Variants in HYAL1 observed in about 807,000 individuals in gnomAD.
HYAL1 encodes hyaluronidase-1.
A neutral mutation model predicts 28.8 loss-of-function variants in HYAL1; 21 were observed. That is an observed-to-expected ratio of 0.73 (90% CI 0.52 to 1.05). The LOEUF is 1.05. Ranked by LOEUF, HYAL1 falls within the 50% of genes least tolerant of loss-of-function variation. HYAL1 has a pLI of 0.00. For synonymous variants in HYAL1, 200 were observed against 230.1 expected, an observed-to-expected ratio of 0.87 and a Z score of 1.18; for missense variants, 491 against 579.2, an observed-to-expected ratio of 0.85 and a Z score of 1.56.
intron 1 of HYAL1, among the ~76,000 whole-genome samples, chr3:50,311,849 A>T (rs1444820103): frequency 1.4e-4 from 11 of 79,130 alleles, no homozygotes; most frequent in East Asian, 3.7e-4. Context: ...CGGGGGGCTG[A>T]CCCCCCCACC....
rs587705585 is a variant in HYAL1, at chr3:50,310,266, T to G, written c.-309-489A>C. ...GAGTCACTGAAAACTAAGCTGTGTG[T>G]TTTTTTTTTTTTTTTTGAGACAGAG... is the stretch of plus-strand genomic sequence containing the variant. On this transcript the variant is annotated intron_variant, in intron 1 of 5. Coordinates refer to the HYAL1 transcript ENST00000320295. 3.2e-3 allele frequency among the ~76,000 whole-genome samples: 429 copies of G among 133,614 alleles called. 11 individuals are homozygous for G. The highest frequency in any genetic ancestry group is 0.012 in the African/African-American group (395 of 32,082). The allele number at this position is 133,614 out of a possible 152,430, so 87.7% of individuals were successfully genotyped here.
intron 2 of HYAL1, among the ~76,000 whole-genome samples, chr3:50,301,666 T>C (rs1331716621): frequency 1.5e-5 from 2 of 135,196 alleles, no homozygotes; most frequent in Non-Finnish European, 3.2e-5. Flanking sequence ...TGTCCCAAGG[T>C]TGGGGGCCGG....
chr3:50,304,297 ATAT>A (rs1373299723), upstream of HYAL1, among the ~76,000 whole-genome samples: 144 of 14,736 alleles, frequency 9.8e-3, 3 homozygotes, highest in African/African-American at 0.031. Flanking sequence ...AAAAAAAAAA[ATAT>A]ATATATATAT....
Position 50,302,145 on chromosome 3 carries a change from C to T in HYAL1, c.812G>A (p.Arg271His), listed in dbSNP as rs150255984. ...YVQHRVAEAFRVAVAAGDPNL... is the reference protein window; with the variant it reads ...YVQHRVAEAFHVAVAAGDPNL... ...GGGGTCACCAGCAGCCACAGCCACA[C>T]GGAATGCCTCGGCCACACGGTGTTG... Residue 271 changes from arginine (R) to histidine (H), a missense_variant, in exon 2 of 4, where the codon CGT becomes CAT. Physicochemically the swap from Arg to His is conservative, Grantham distance 29. Coordinates refer to ENST00000395144, the MANE Select transcript of HYAL1 (RefSeq NM_033159.4). This position sits in a 1 kb window ranked among gnomAD's most constrained non-coding sequence, Gnocchi z 5.0. 30 of 1,614,148 alleles carry T rather than the reference C, an allele frequency of 1.9e-5. No homozygotes were observed. The highest frequency in any genetic ancestry group is 4.5e-5 in the East Asian group (2 of 44,884).
At chr3:50,303,154 A>T in intron 1 of HYAL1, 174 bp from the exon 2 acceptor site, 4 of 550,222 alleles carry the variant, frequency 7.3e-6, no homozygotes, top group South Asian at 2.9e-5. Flanking sequence ...GAGCATGGCC[A>T]CTGGAGGGCA....
chr3:50,301,735 G>A (rs192165846), intron 2 of HYAL1, among the ~76,000 whole-genome samples: 3 of 152,040 alleles, frequency 2.0e-5, no homozygotes, highest in African/African-American at 4.8e-5. Flanking sequence ...GATGGATCAC[G>A]AGGTCAGGAG....
upstream of HYAL1, among the ~76,000 whole-genome samples, chr3:50,305,848 G>T (rs182099907): frequency 2.0e-5 from 3 of 151,356 alleles, no homozygotes; most frequent in East Asian, 5.8e-4. Context: ...TACTTCTTAC[G>T]TATTGATAGA....
At chr3:50,307,085 A>G (rs1266050429), upstream of HYAL1, among the ~76,000 whole-genome samples, 1 of 148,510 alleles carries the variant, frequency 6.7e-6, no homozygotes, top group African/African-American at 2.5e-5. Context: ...AAAAAAAATA[A>G]GCCGGGTGCA....
intron 1 of HYAL1, among the ~76,000 whole-genome samples, chr3:50,311,271 C>G (rs1702444760): frequency 7.2e-6 from 1 of 139,060 alleles, no homozygotes; most frequent in South Asian, 2.3e-4. Context: ...GGGGGGCTGA[C>G]CCCCCAACCT....
At chr3:50,311,795 G>A (rs1440350420) in intron 1 of HYAL1, among the ~76,000 whole-genome samples, 101 of 145,392 alleles carry the variant, frequency 6.9e-4, no homozygotes, top group African/African-American at 2.3e-3. Context: ...AGGGGTGGCC[G>A]GGCAGAGGCG....
chr3:50,302,262 A>G lies in HYAL1; in HGVS notation c.695T>C (p.Leu232Pro). The change falls in exon 2 of 4, where the codon CTA becomes CCA. Residue 232 changes from leucine to proline, a missense_variant. By Grantham distance (98) the Leu-to-Pro change is moderately conservative. Coordinates refer to ENST00000395144, the MANE Select transcript of HYAL1 (RefSeq NM_033159.4). The surrounding 1 kb of genome is among the most constrained non-coding windows in gnomAD (Gnocchi z 5.0). ...PSGIRAQNDQ[L>P]GWLWGQSRAL... ...ACGGCTCTGGCCCCACAGCCACCCT[A>G]GCTGGTCATTTTGGGCACGGATGCC... 6.2e-7 allele frequency: 1 copy of G among 1,613,856 alleles called. No homozygotes were observed. Among genetic ancestry groups the G allele is most frequent in the Non-Finnish European group, 8.5e-7 (1 of 1,180,024 alleles).
intron 1 of HYAL1, 76 bp from the exon 2 acceptor site, chr3:50,303,056 G>A (rs2109309647): frequency 2.6e-6 from 3 of 1,169,342 alleles, no homozygotes; most frequent in Non-Finnish European, 2.4e-6. Context: ...GGGGGGCTGA[G>A]CCCTTGCGCA....
upstream of HYAL1, among the ~76,000 whole-genome samples, chr3:50,304,317 A>ATC (rs1702292342): frequency 1.2e-5 from 1 of 86,888 alleles, no homozygotes; most frequent in Non-Finnish European, 2.1e-5. Context: ...ATATATATAT[A>ATC]TATATATATA....
chr3:50,310,411 C>A (rs191630075), intron 1 of HYAL1, among the ~76,000 whole-genome samples: 6 of 149,808 alleles, frequency 4.0e-5, no homozygotes, highest in South Asian at 2.1e-4. Context: ...CTACAGGCAA[C>A]CACCACCACG....
upstream of HYAL1, among the ~76,000 whole-genome samples, chr3:50,308,120 C>G (rs929585606): frequency 1.3e-5 from 2 of 149,078 alleles, no homozygotes; most frequent in Non-Finnish European, 1.5e-5. Flanking sequence ...TTTATATAAT[C>G]AAGTTGTCGT....
At chr3:50,308,648 C>T (rs1435189686) in intron 2 of HYAL1, among the ~76,000 whole-genome samples, 5 of 149,772 alleles carry the variant, frequency 3.3e-5, no homozygotes, top group South Asian at 2.1e-4. Context: ...AGGGTTTCAC[C>T]GTGGTCTCGA....
At chr3:50,303,123 G>T (rs1702240729) in intron 1 of HYAL1, 143 bp from the exon 2 acceptor site, 1 of 669,670 alleles carries the variant, frequency 1.5e-6, no homozygotes, top group Non-Finnish European at 2.4e-6. Context: ...CTCCAGGAGG[G>T]CAGGGGAGAC....
intron 1 of HYAL1, among the ~76,000 whole-genome samples, chr3:50,310,275 T>C (rs111991220): frequency 0.027 from 4,078 of 149,462 alleles, 103 homozygotes; most frequent in Non-Finnish European, 0.035. Flanking sequence ...GTTTTTTTTT[T>C]TTTTTTTGAG....
Position 50,300,311 on chromosome 3 carries a change from C to T in HYAL1, c.*172G>A, listed in dbSNP as rs1702067769. On this transcript the variant is annotated 3_prime_UTR_variant, in exon 4 of 4. Transcript: ENST00000395144. ...GCTGTGGTTCTAACTCCTTATGCCACTATTCCAGTCTGTAAGTATGCATGT... is the reference window on the plus strand; with the variant it reads ...GCTGTGGTTCTAACTCCTTATGCCATTATTCCAGTCTGTAAGTATGCATGT... 2.6e-5 allele frequency: 18 copies of T among 691,974 alleles called. No individual in the cohort carries two copies. The Admixed American group carries it at 3.8e-4, about 14-fold the overall frequency. 42.9% of individuals were successfully genotyped at this position (691,974 alleles called of 1,614,324 possible).
Sources: allele counts gnomAD v4.1 joint callset (sites outside exome capture counted in the v4.1 genomes callset), GRCh38; gene constraint gnomAD v4.1.1; non-coding constraint Gnocchi (gnomAD v3.1); transcripts MANE v1.5; gene names NCBI Gene and HGNC (gene_info 2026-07-23, HGNC 2026-07-21).